KIAA1217: variants seen among roughly 807,000 people sequenced by gnomAD.
KIAA1217 encodes sickle tail protein homolog.
In KIAA1217, 88 loss-of-function variants were observed where a neutral mutation model predicts 163.9. The ratio of observed to expected loss-of-function variants is 0.54; its 90% CI spans 0.45 to 0.64. KIAA1217 has a LOEUF of 0.64. KIAA1217 is among the 30% of genes least tolerant of loss of function. The pLI, the probability that KIAA1217 is intolerant of heterozygous loss-of-function variation, is 0.00. For synonymous variants in KIAA1217, 903 were observed against 923.1 expected (o/e 0.98, Z 0.39); for missense variants, 2,372 against 2,475.0 (o/e 0.96, Z 0.88).
intron 2 of KIAA1217, among the ~76,000 whole-genome samples, chr10:24,351,924 G>T (rs552356088): frequency 1.3e-5 from 2 of 152,254 alleles, no homozygotes; most frequent in East Asian, 3.9e-4. Flanking sequence ...CCACCCTGCT[G>T]CTCACAGGTC....
intron 6 of KIAA1217, among the ~76,000 whole-genome samples, chr10:24,489,777 T>A (rs1354593100): frequency 1.4e-5 from 2 of 145,112 alleles, no homozygotes; most frequent in South Asian, 2.2e-4. Flanking sequence ...GGTGAAAGGA[T>A]CTCTTGAGCT....
At chr10:24,376,651 A>G (rs549497009) in intron 2 of KIAA1217, among the ~76,000 whole-genome samples, 1 of 152,102 alleles carries the variant, frequency 6.6e-6, no homozygotes. Flanking sequence ...AGTCCCAGCT[A>G]CTCAGGAGGC....
At chr10:24,105,486 G>A (rs2062589115) in intron 2 of KIAA1217, among the ~76,000 whole-genome samples, 1 of 152,254 alleles carries the variant, frequency 6.6e-6, no homozygotes, top group Admixed American at 6.5e-5. Context: ...TAACAGCAGT[G>A]AGCTGAGCCA....
At chr10:24,085,075 G>A (rs377670781) in intron 2 of KIAA1217, among the ~76,000 whole-genome samples, 2 of 151,800 alleles carry the variant, frequency 1.3e-5, no homozygotes, top group African/African-American at 4.8e-5. Flanking sequence ...CACCACGCTC[G>A]GCTAATTTTT....
chr10:24,367,769 C>T (rs1023797420), intron 2 of KIAA1217, among the ~76,000 whole-genome samples: 6 of 152,202 alleles, frequency 3.9e-5, no homozygotes, highest in African/African-American at 7.2e-5. Context: ...GTTCTAAGTG[C>T]CTTACAAGTA....
chr10:23,948,286 A>G (rs1055541527), intron 1 of KIAA1217, among the ~76,000 whole-genome samples: 8 of 152,304 alleles, frequency 5.3e-5, no homozygotes, highest in Middle Eastern at 3.4e-3. Flanking sequence ...GGTTGTTGTA[A>G]TAATGTGTAT....
At chr10:23,914,471 C>T in intron 1 of KIAA1217, among the ~76,000 whole-genome samples, 1 of 152,032 alleles carries the variant, frequency 6.6e-6, no homozygotes, top group East Asian at 1.9e-4. Flanking sequence ...CACATCACTG[C>T]ACTGGCTAAT....
At chr10:24,441,728 C>T (rs1202855564) in intron 5 of KIAA1217, among the ~76,000 whole-genome samples, 1 of 152,110 alleles carries the variant, frequency 6.6e-6, no homozygotes, top group African/African-American at 2.4e-5. Context: ...CAGATAGGAG[C>T]TTTGATAATT....
chr10:24,293,632 T>C (rs16924478), intron 2 of KIAA1217, among the ~76,000 whole-genome samples: 2,946 of 152,356 alleles, frequency 0.019, 86 homozygotes, highest in African/African-American at 0.067. Flanking sequence ...GCATTCCCCT[T>C]TGGACTTGGA....
At chr10:23,861,478 T>G (rs1839947885) in intron 1 of KIAA1217, among the ~76,000 whole-genome samples, 1 of 152,138 alleles carries the variant, frequency 6.6e-6, no homozygotes, top group Non-Finnish European at 1.5e-5. Context: ...TTTGCAGATG[T>G]AATTAGGGTC....
At chr10:24,078,781 A>G (rs191293052) in intron 2 of KIAA1217, among the ~76,000 whole-genome samples, 37 of 152,310 alleles carry the variant, frequency 2.4e-4, no homozygotes, top group African/African-American at 8.4e-4. Flanking sequence ...GATGAGAGAG[A>G]GAGAGACAAA....
intron 2 of KIAA1217, among the ~76,000 whole-genome samples, chr10:24,363,298 A>G (rs1302040119): frequency 1.3e-5 from 2 of 152,162 alleles, no homozygotes; most frequent in Non-Finnish European, 2.9e-5. Flanking sequence ...ACTCATCAGC[A>G]TTAGGAAAGA....
rs1386376033 is a variant in KIAA1217, at chr10:23,758,646, C to CTCTCT, written c.-321+63412_-321+63413insTCTCT. Among the ~76,000 whole-genome samples, 479 of 132,190 alleles carry CTCTCT rather than the reference C, an allele frequency of 3.6e-3. 12 individuals carry two copies. The highest frequency in any genetic ancestry group is 0.014 in the African/African-American group (462 of 33,882). The allele number at this position is 132,190 out of a possible 152,430, so 86.7% of individuals were successfully genotyped here. A position where few individuals can be genotyped will look rare whatever the true frequency, so the allele number is the denominator to read the frequency against. ...TTACTTTCTCTCTCTCTCTCTCTCTCCCCCTCCCTCCCTCCCTCCCCCTTT... is the reference window on the plus strand; with the variant it reads ...TTACTTTCTCTCTCTCTCTCTCTCTCTCTCTCCCCTCCCTCCCTCCCTCCCCCTTT... On this transcript the variant is annotated intron_variant, in intron 1 of 18. Coordinates refer to the KIAA1217 transcript ENST00000376462.
chr10:24,007,629 C>T (rs1847058708), intron 2 of KIAA1217, among the ~76,000 whole-genome samples: 1 of 152,128 alleles, frequency 6.6e-6, no homozygotes, highest in African/African-American at 2.4e-5. Flanking sequence ...ATTTTTCAGA[C>T]CATGTATTAG....
intron 2 of KIAA1217, chr10:24,255,635 C>A (rs529791831): frequency 2.1e-5 from 9 of 427,702 alleles, no homozygotes; most frequent in East Asian, 7.5e-5. Context: ...CCCTGCCCCC[C>A]CTGGGGTCCC....
At chr10:24,175,367 A>C (rs1304521856) in intron 2 of KIAA1217, among the ~76,000 whole-genome samples, 7 of 152,124 alleles carry the variant, frequency 4.6e-5, no homozygotes, top group African/African-American at 1.7e-4. Context: ...AATGATCTCC[A>C]ATTCCATCCA....
chr10:24,129,445 C>A (rs1332722543), intron 2 of KIAA1217, among the ~76,000 whole-genome samples: 1 of 152,086 alleles, frequency 6.6e-6, no homozygotes, highest in South Asian at 2.1e-4. Flanking sequence ...ATATTATAGA[C>A]TTCATACTTC....
rs549414778 is a variant in KIAA1217, at chr10:24,425,837, C to T, written c.554-7158C>T. Among the ~76,000 whole-genome samples the T allele has an allele frequency of 9.8e-5, 15 of 152,316 alleles. No homozygotes were observed. In the South Asian group the frequency reaches 3.1e-3, roughly 32 times the overall value. On this transcript the variant is annotated intron_variant, in intron 3 of 20. Transcript: ENST00000376454. ...CAGAGAAATGGTATCAACTTACTTT[C>T]CCAACAGTGATATGTGGGAGTATCC...
At chr10:24,514,200 C>G (rs1004294427) in intron 10 of KIAA1217, among the ~76,000 whole-genome samples, 1 of 152,160 alleles carries the variant, frequency 6.6e-6, no homozygotes, top group African/African-American at 2.4e-5. Flanking sequence ...ATAGAACTAT[C>G]TCACCTTTTA....
Sources: allele counts gnomAD v4.1 joint callset (sites outside exome capture counted in the v4.1 genomes callset), GRCh38; gene constraint gnomAD v4.1.1; transcripts MANE v1.5; gene names NCBI Gene and HGNC (gene_info 2026-07-23, HGNC 2026-07-21).